Variants in KCNIP1 observed in about 807,000 individuals in gnomAD.
The protein encoded by KCNIP1 is potassium voltage-gated channel interacting protein 1.
Under a neutral mutation model 33.0 loss-of-function variants are expected in KCNIP1, and 18 were observed. The ratio of observed to expected loss-of-function variants is 0.55; its 90% CI spans 0.38 to 0.81. KCNIP1 has a LOEUF of 0.81. KCNIP1 is among the 30% of genes least tolerant of loss of function. The pLI is 0.00. For synonymous variants in KCNIP1, 93 were observed against 98.3 expected (o/e 0.95, Z 0.32); for missense variants, 238 against 271.6 (o/e 0.88, Z 0.87).
At chr5:170,417,945 A>G (rs983644743) in intron 1 of KCNIP1, among the ~76,000 whole-genome samples, 3 of 152,176 alleles carry the variant, frequency 2.0e-5, no homozygotes, top group African/African-American at 7.2e-5. Flanking sequence ...ACAGCTTATA[A>G]GCCTCCTGAT....
intron 1 of KCNIP1, among the ~76,000 whole-genome samples, chr5:170,544,599 C>T (rs993370588): frequency 6.6e-6 from 1 of 152,020 alleles, no homozygotes; most frequent in Admixed American, 6.6e-5. Flanking sequence ...TCTATTTGTA[C>T]TATCTCTTCT....
intron 1 of KCNIP1, among the ~76,000 whole-genome samples, chr5:170,586,833 A>T (rs1309913372): frequency 6.6e-6 from 1 of 152,232 alleles, no homozygotes; most frequent in Admixed American, 6.5e-5. Flanking sequence ...GGGATGGAAC[A>T]TCCATTCATT....
At chr5:170,585,741 C>G (rs1757962617) in intron 1 of KCNIP1, among the ~76,000 whole-genome samples, 1 of 152,182 alleles carries the variant, frequency 6.6e-6, no homozygotes, top group Non-Finnish European at 1.5e-5. Flanking sequence ...AATATTCCTC[C>G]CAGGGCAGAC....
intron 1 of KCNIP1, among the ~76,000 whole-genome samples, chr5:170,596,756 G>T (rs1045031307): frequency 1.3e-5 from 2 of 152,238 alleles, no homozygotes; most frequent in Non-Finnish European, 1.5e-5. Flanking sequence ...CAGAGCTGGA[G>T]CTATGATCAG....
intron 1 of KCNIP1, among the ~76,000 whole-genome samples, chr5:170,552,684 C>T (rs1039832224): frequency 3.3e-5 from 5 of 152,160 alleles, no homozygotes; most frequent in South Asian, 2.1e-4. Flanking sequence ...AGGGCTAGAC[C>T]GCACAGGGCC....
In KCNIP1 at chr5:170,489,013, C is replaced by T. The variant is rs138645517; in HGVS notation, c.88+135049C>T. Among the ~76,000 whole-genome samples the T allele has an allele frequency of 6.6e-6, 1 of 152,002 alleles. No individual in the cohort carries two copies. Among genetic ancestry groups the T allele is most frequent in the African/African-American group, 2.4e-5 (1 of 41,552 alleles). On this transcript the variant is annotated intron_variant, in intron 1 of 7. Transcript: ENST00000377360. This position sits in a 1 kb window ranked among gnomAD's most constrained non-coding sequence, Gnocchi z 4.3. The stretch of plus-strand genomic sequence containing the variant: ...GAGCTGAGCCAAGCAGGTAAGAGTA[C>T]TGACCCCGAGCCCACTCGGGCTCTG...
At chr5:170,636,814 C>T (rs1760302589) in intron 1 of KCNIP1, among the ~76,000 whole-genome samples, 2 of 152,162 alleles carry the variant, frequency 1.3e-5, no homozygotes, top group Admixed American at 1.3e-4. Context: ...GTGCTCTACC[C>T]ACATTACTGA....
intron 1 of KCNIP1, among the ~76,000 whole-genome samples, chr5:170,556,704 C>A (rs1051426439): frequency 6.6e-6 from 1 of 152,222 alleles, no homozygotes; most frequent in Non-Finnish European, 1.5e-5. Flanking sequence ...TCCATTCAGC[C>A]CCATCTGCAG....
intron 1 of KCNIP1, among the ~76,000 whole-genome samples, chr5:170,452,275 C>T (rs1581205906): frequency 6.6e-6 from 1 of 152,314 alleles, no homozygotes; most frequent in East Asian, 1.9e-4. Context: ...GATGATTAAT[C>T]TCCTTCTTCG....
chr5:170,734,954 T>C (rs998241176), intron 7 of KCNIP1, among the ~76,000 whole-genome samples: 1 of 152,186 alleles, frequency 6.6e-6, no homozygotes, highest in Admixed American at 6.5e-5. Flanking sequence ...TCTCCCACCA[T>C]GGGATCTCTG....
chr5:170,443,189 T>C (rs956869946), intron 1 of KCNIP1, among the ~76,000 whole-genome samples: 23 of 152,052 alleles, frequency 1.5e-4, no homozygotes, highest in African/African-American at 5.6e-4. Context: ...GAGTGATAAG[T>C]TGATGAGCAG....
chr5:170,606,213 A>G (rs1758913092), intron 1 of KCNIP1, among the ~76,000 whole-genome samples: 1 of 152,172 alleles, frequency 6.6e-6, no homozygotes, highest in Non-Finnish European at 1.5e-5. Context: ...ATATTCATGT[A>G]CAAGTTTTTA....
intron 1 of KCNIP1, among the ~76,000 whole-genome samples, chr5:170,689,105 G>A (rs891848117): frequency 6.6e-6 from 1 of 152,298 alleles, no homozygotes; most frequent in African/African-American, 2.4e-5. Flanking sequence ...ATCAAGCTTT[G>A]CTTCCAGGAG....
chr5:170,650,874 G>A (rs61524632), intron 1 of KCNIP1, among the ~76,000 whole-genome samples: 2,467 of 152,316 alleles, frequency 0.016, 74 homozygotes, highest in African/African-American at 0.057. Context: ...GCCACAATAT[G>A]AGAGGAAATA....
At chr5:170,394,066 G>C (rs1043738402) in intron 1 of KCNIP1, among the ~76,000 whole-genome samples, 6 of 152,208 alleles carry the variant, frequency 3.9e-5, no homozygotes, top group Admixed American at 2.0e-4. Context: ...GTTGCTGTAA[G>C]AGTGGTGGTG....
intron 1 of KCNIP1, among the ~76,000 whole-genome samples, chr5:170,652,482 TAA>T (rs140299038): frequency 0.11 from 12,021 of 109,582 alleles, 646 homozygotes; most frequent in African/African-American, 0.13. Context: ...GAGACCCTAT[TAA>T]AAAAAAAAAA....
upstream of KCNIP1, among the ~76,000 whole-genome samples, chr5:170,503,716 C>A: frequency 7.3e-6 from 1 of 137,728 alleles, no homozygotes; most frequent in Admixed American, 7.5e-5. Context: ...CACACGCACG[C>A]ACGCACATCA....
intron 1 of KCNIP1, among the ~76,000 whole-genome samples, chr5:170,524,585 C>T (rs1755498656): frequency 6.6e-6 from 1 of 152,052 alleles, no homozygotes; most frequent in African/African-American, 2.4e-5. Flanking sequence ...AGACTCAGAG[C>T]ATGACCAGTG....
intron 1 of KCNIP1, among the ~76,000 whole-genome samples, chr5:170,567,600 G>T (rs1390779227): frequency 1.3e-5 from 2 of 152,216 alleles, no homozygotes; most frequent in Non-Finnish European, 2.9e-5. Flanking sequence ...AGAAGCAATG[G>T]GGAAGGACAG....
Sources: gnomAD v4.1 joint callset for allele counts (sites outside exome capture counted in the v4.1 genomes callset) on GRCh38, gnomAD v4.1.1 for gene constraint, Gnocchi (gnomAD v3.1) non-coding constraint, MANE v1.5 for transcripts, NCBI Gene and HGNC (gene_info 2026-07-23, HGNC 2026-07-21) for gene names.